Variants in PALS1 observed in about 807,000 individuals in gnomAD.
The protein encoded by PALS1 is protein PALS1.
PALS1 carries 31 observed loss-of-function variants against 78.9 expected under a neutral mutation model. The ratio of observed to expected loss-of-function variants is 0.39; its 90% CI spans 0.30 to 0.53. PALS1 has a LOEUF of 0.53. Ranked by LOEUF, PALS1 falls within the 20% of genes least tolerant of loss-of-function variation. The pLI, the probability that PALS1 is intolerant of heterozygous loss-of-function variation, is 0.67. For synonymous variants in PALS1, 276 were observed against 270.9 expected (o/e 1.02, Z -0.18); for missense variants, 704 against 826.5 (o/e 0.85, Z 1.82).
intron 3 of PALS1, among the ~76,000 whole-genome samples, chr14:67,280,933 G>C (rs1394254021): frequency 3.5e-5 from 5 of 142,068 alleles, no homozygotes; most frequent in Middle Eastern, 4.0e-3. Flanking sequence ...GTCTTGCTCT[G>C]TTGCCCAGGC....
intron 1 of PALS1, among the ~76,000 whole-genome samples, chr14:67,258,010 A>G (rs2140485311): frequency 6.6e-6 from 1 of 152,196 alleles, no homozygotes; most frequent in East Asian, 1.9e-4. Context: ...TAATTTGGGA[A>G]AAATCTCTCT....
intron 14 of PALS1, among the ~76,000 whole-genome samples, chr14:67,327,279 G>C (rs1179845719): frequency 2.0e-5 from 3 of 152,062 alleles, no homozygotes; most frequent in Non-Finnish European, 4.4e-5. Flanking sequence ...TAAACACCTA[G>C]GAGTAGAATT....
rs575484206 is a variant in PALS1 at position 67,335,752 on chromosome 14, G to C, written c.*2796G>C. On this transcript the variant is annotated 3_prime_UTR_variant, in exon 15 of 15. Transcript: ENST00000261681. ...TTTCCTGTATCTGCACTGTTATTTT[G>C]AGATGTCATACTGTACACTGTATTG... 1 of 152,636 alleles carries C rather than the reference G, an allele frequency of 6.6e-6. No homozygotes were observed. The highest frequency in any genetic ancestry group is 2.4e-5 in the African/African-American group (1 of 41,518). The allele number at this position is 152,636 out of a possible 1,614,324, so 9.5% of individuals were successfully genotyped here.
chr14:67,319,571 C>T (rs1210651713), intron 11 of PALS1, among the ~76,000 whole-genome samples: 1 of 145,352 alleles, frequency 6.9e-6, no homozygotes, highest in African/African-American at 2.6e-5. Flanking sequence ...TCTGGGGCCA[C>T]ACGTAAAATA....
At chr14:67,287,746 G>A (rs1211893724) in intron 3 of PALS1, among the ~76,000 whole-genome samples, 2 of 152,230 alleles carry the variant, frequency 1.3e-5, no homozygotes, top group Admixed American at 6.5e-5. Context: ...AACATTTACA[G>A]TGTCATCTAT....
intron 4 of PALS1, among the ~76,000 whole-genome samples, chr14:67,293,657 C>T (rs1367091330): frequency 6.6e-6 from 1 of 152,140 alleles, no homozygotes; most frequent in African/African-American, 2.4e-5. Flanking sequence ...ATACTATTCA[C>T]ACATGTAGGC....
chr14:67,316,575 G>A (rs1461119778), intron 9 of PALS1, among the ~76,000 whole-genome samples: 1 of 151,996 alleles, frequency 6.6e-6, no homozygotes, highest in East Asian at 1.9e-4. Flanking sequence ...TTAAAAAGTT[G>A]AACTATTAAA....
intron 1 of PALS1, among the ~76,000 whole-genome samples, chr14:67,245,121 A>T (rs1595555886): frequency 6.6e-6 from 1 of 152,332 alleles, no homozygotes; most frequent in Non-Finnish European, 1.5e-5. Flanking sequence ...GCCAAGGGAG[A>T]CATATGCCAG....
intron 3 of PALS1, among the ~76,000 whole-genome samples, chr14:67,286,378 T>C (rs71421368): frequency 6.6e-6 from 1 of 152,238 alleles, no homozygotes; most frequent in African/African-American, 2.4e-5. Flanking sequence ...CTCTTTGTTG[T>C]CTCTGTGTCT....
At chr14:67,282,210 C>G (rs1209978071) in intron 3 of PALS1, among the ~76,000 whole-genome samples, 1 of 151,854 alleles carries the variant, frequency 6.6e-6, no homozygotes, top group Non-Finnish European at 1.5e-5. Context: ...ACTTTTTTTT[C>G]TTGTTCATAA....
At chr14:67,320,191 AT>A (rs2085241273) in intron 11 of PALS1, 38 bp from the exon 12 acceptor site, 5 of 1,588,200 alleles carry the variant, frequency 3.1e-6, no homozygotes, top group Non-Finnish European at 4.3e-6. Flanking sequence ...ATACATGGCC[AT>A]AATTTTGTTT....
intron 3 of PALS1, 146 bp downstream of exon 3, chr14:67,279,683 G>A (rs1018844610): frequency 5.3e-5 from 38 of 719,538 alleles, no homozygotes; most frequent in Non-Finnish European, 7.4e-5. Flanking sequence ...TCGTGGAAAC[G>A]CCGTATAACT....
chr14:67,256,683 G>T (rs1157793552), intron 1 of PALS1, among the ~76,000 whole-genome samples: 1 of 152,068 alleles, frequency 6.6e-6, no homozygotes, highest in Non-Finnish European at 1.5e-5. Context: ...AAGTAGCTGG[G>T]ATTACAGGCA....
chr14:67,313,474 A>G (rs1393961831), intron 9 of PALS1, among the ~76,000 whole-genome samples: 1 of 152,190 alleles, frequency 6.6e-6, no homozygotes, highest in Non-Finnish European at 1.5e-5. Context: ...AAATGTTGTT[A>G]TGCAGTGCAT....
intron 14 of PALS1, among the ~76,000 whole-genome samples, chr14:67,325,622 C>T (rs1412801727): frequency 1.3e-5 from 2 of 152,136 alleles, no homozygotes; most frequent in East Asian, 3.9e-4. Context: ...AGAACAGAAA[C>T]TCCATGGTTG....
Position 67,328,032 on chromosome 14 carries a change from G to C in PALS1, c.1851+4220G>C, listed in dbSNP as rs2085386080. Among the ~76,000 whole-genome samples, 2 of 152,140 alleles carry C rather than the reference G, an allele frequency of 1.3e-5. 1 individual carries two copies. Among genetic ancestry groups the C allele is most frequent in the South Asian group, 4.1e-4 (2 of 4,824 alleles). ...ATGGCTGGGTCAAATGGTATTTCTAGTTCTAGATCCTTGAGGAATCACCAC... is the reference window on the plus strand; with the variant it reads ...ATGGCTGGGTCAAATGGTATTTCTACTTCTAGATCCTTGAGGAATCACCAC... On this transcript the variant is annotated intron_variant, in intron 14 of 14. Transcript: ENST00000261681.
At chr14:67,309,715 T>C (rs2085059343) in intron 8 of PALS1, among the ~76,000 whole-genome samples, 1 of 152,188 alleles carries the variant, frequency 6.6e-6, no homozygotes, top group Non-Finnish European at 1.5e-5. Flanking sequence ...TCCCTAAGAT[T>C]GCTGTACCTA....
intron 7 of PALS1, 101 bp downstream of exon 7, chr14:67,302,672 G>T: frequency 2.2e-6 from 2 of 921,846 alleles, no homozygotes; most frequent in Non-Finnish European, 3.0e-6. Flanking sequence ...AGCACTAGAT[G>T]ATTTCTAGCC....
At chr14:67,316,691 A>G (rs907387171) in intron 9 of PALS1, 141 bp from the exon 10 acceptor site, 6 of 570,820 alleles carry the variant, frequency 1.1e-5, no homozygotes, top group Non-Finnish European at 1.8e-5. Flanking sequence ...CATAGCTGAC[A>G]TTACTCCTGT....
Sources: allele counts gnomAD v4.1 joint callset (sites outside exome capture counted in the v4.1 genomes callset), GRCh38; gene constraint gnomAD v4.1.1; transcripts MANE v1.5; gene names NCBI Gene and HGNC (gene_info 2026-07-23, HGNC 2026-07-21).